LAMA2: variants seen among roughly 807,000 people sequenced by gnomAD.
LAMA2 encodes the protein laminin subunit alpha 2, also known as laminin subunit alpha-2.
A neutral mutation model predicts 364.8 loss-of-function variants in LAMA2; 269 were observed. That is an observed-to-expected ratio of 0.74 (90% CI 0.67 to 0.82). The LOEUF (loss-of-function observed/expected upper bound fraction) is 0.82. Among genes scored for constraint, LAMA2 ranks in the 40% least tolerant of loss-of-function variants. LAMA2 has a pLI of 0.00. For synonymous variants in LAMA2, 1,379 were observed against 1,370.6 expected (o/e 1.01, Z -0.14); for missense variants, 3,807 against 3,873.2 (o/e 0.98, Z 0.45).
At chr6:128,913,344 A>T (rs558255156) in intron 1 of LAMA2, among the ~76,000 whole-genome samples, 1 of 152,172 alleles carries the variant, frequency 6.6e-6, no homozygotes, top group South Asian at 2.1e-4. Flanking sequence ...ATAACCAATC[A>T]TTATAATTAT....
At chr6:129,269,928 A>T (rs964822302) in intron 16 of LAMA2, among the ~76,000 whole-genome samples, 1 of 152,172 alleles carries the variant, frequency 6.6e-6, no homozygotes, top group African/African-American at 2.4e-5. Context: ...AATAACTTAG[A>T]GAAAAGCCTG....
intron 12 of LAMA2, among the ~76,000 whole-genome samples, chr6:129,243,399 A>T (rs1785517175): frequency 6.6e-6 from 1 of 152,094 alleles, no homozygotes; most frequent in African/African-American, 2.4e-5. Flanking sequence ...ACTATAATGA[A>T]TATCTCTTGG....
At chr6:129,362,397 C>T (rs1340618756) in intron 32 of LAMA2, among the ~76,000 whole-genome samples, 1 of 152,056 alleles carries the variant, frequency 6.6e-6, no homozygotes, top group East Asian at 1.9e-4. Flanking sequence ...TCCGGCCAAC[C>T]CCAACCTCTT....
intron 1 of LAMA2, among the ~76,000 whole-genome samples, chr6:128,941,550 G>A (rs1241072037): frequency 6.6e-6 from 1 of 151,966 alleles, no homozygotes; most frequent in East Asian, 1.9e-4. Context: ...ATTTAACTTT[G>A]TATTTCACTA....
chr6:128,944,777 C>A (rs956065406), intron 1 of LAMA2, among the ~76,000 whole-genome samples: 6 of 152,122 alleles, frequency 3.9e-5, no homozygotes, highest in Non-Finnish European at 7.4e-5. Flanking sequence ...TAAGGAGGAG[C>A]AGGCATGCCA....
chr6:129,044,639 T>A (rs1166458879), intron 1 of LAMA2, among the ~76,000 whole-genome samples: 1 of 151,786 alleles, frequency 6.6e-6, no homozygotes, highest in African/African-American at 2.4e-5. Flanking sequence ...AAATACATAG[T>A]ATAAACAGAA....
chr6:129,273,464 A>G (rs1040203831), intron 17 of LAMA2, among the ~76,000 whole-genome samples: 1 of 152,178 alleles, frequency 6.6e-6, no homozygotes, highest in African/African-American at 2.4e-5. Flanking sequence ...CTGAATACAT[A>G]TTAGAATTAT....
chr6:129,165,499 C>G (rs1446057133), intron 8 of LAMA2, 77 bp from the exon 9 acceptor site: 5 of 870,606 alleles, frequency 5.7e-6, no homozygotes, highest in Non-Finnish European at 9.5e-6. Context: ...ACTACTTTGT[C>G]TATAAAAGTT....
chr6:129,372,604 A>C (rs2114632918), intron 34 of LAMA2, among the ~76,000 whole-genome samples: 1 of 152,318 alleles, frequency 6.6e-6, no homozygotes, highest in Non-Finnish European at 1.5e-5. Context: ...AGTTGCTGTA[A>C]ACATCTTTGT....
rs1197592316 is a variant in LAMA2, at chr6:129,050,694, A to G, written c.283+606A>G. ...CCAGGAAGAGAAATCAGAATTAGAC[A>G]GAAAATCCTAGTTACTCGGGGAGCT... On this transcript the variant is annotated intron_variant, in intron 2 of 64. Transcript: ENST00000421865. Among the ~76,000 whole-genome samples, 5 of 152,354 alleles carry G rather than the reference A, an allele frequency of 3.3e-5. 1 individual carries two copies. In the East Asian group the frequency reaches 9.6e-4, roughly 29 times the overall value.
intron 1 of LAMA2, among the ~76,000 whole-genome samples, chr6:128,981,382 C>T (rs1782856844): frequency 6.6e-6 from 1 of 152,124 alleles, no homozygotes; most frequent in East Asian, 1.9e-4. Flanking sequence ...GCATCTCACC[C>T]TTGCCTGCAC....
At chr6:128,926,322 G>A (rs111500333) in intron 1 of LAMA2, among the ~76,000 whole-genome samples, 2 of 151,978 alleles carry the variant, frequency 1.3e-5, no homozygotes, top group South Asian at 2.1e-4. Flanking sequence ...AACTCCTCTC[G>A]TTTAGGCCTC....
At chr6:129,249,614 T>A (rs1223210795) in intron 12 of LAMA2, among the ~76,000 whole-genome samples, 1 of 152,180 alleles carries the variant, frequency 6.6e-6, no homozygotes, top group African/African-American at 2.4e-5. Flanking sequence ...TAACCTTTTG[T>A]TTTTCTTTGA....
chr6:129,497,192 T>TAAG (rs1174031303), intron 58 of LAMA2, among the ~76,000 whole-genome samples: 2 of 152,188 alleles, frequency 1.3e-5, no homozygotes, highest in Non-Finnish European at 2.9e-5. Context: ...GGTTATTAAA[T>TAAG]AAGTCCTCTA....
At chr6:129,095,400 A>G (rs1334688841) in intron 3 of LAMA2, among the ~76,000 whole-genome samples, 1 of 152,232 alleles carries the variant, frequency 6.6e-6, no homozygotes. Flanking sequence ...ATAAAAAATT[A>G]TTAAATTCTG....
chr6:129,050,961 C>T (rs921010050), intron 2 of LAMA2, among the ~76,000 whole-genome samples: 3 of 152,054 alleles, frequency 2.0e-5, no homozygotes, highest in African/African-American at 7.2e-5. Context: ...TGTATTGGAG[C>T]ATAATGTTAA....
At chr6:129,239,644 A>T (rs548925880) in intron 12 of LAMA2, among the ~76,000 whole-genome samples, 1 of 152,260 alleles carries the variant, frequency 6.6e-6, no homozygotes, top group South Asian at 2.1e-4. Flanking sequence ...TGGATACCCT[A>T]CAAAGCAGCA....
At chr6:129,398,078 C>T (rs1186950160) in intron 37 of LAMA2, among the ~76,000 whole-genome samples, 2 of 151,982 alleles carry the variant, frequency 1.3e-5, no homozygotes, top group Non-Finnish European at 2.9e-5. Flanking sequence ...ATATATATAG[C>T]TCTTCAATTA....
intron 4 of LAMA2, among the ~76,000 whole-genome samples, chr6:129,098,846 C>A (rs981807839): frequency 6.6e-6 from 1 of 152,112 alleles, no homozygotes; most frequent in Non-Finnish European, 1.5e-5. Flanking sequence ...GTAATTCTTT[C>A]AATCTTTTGA....
Sources: gnomAD v4.1 joint callset for allele counts (sites outside exome capture counted in the v4.1 genomes callset) on GRCh38, gnomAD v4.1.1 for gene constraint, MANE v1.5 for transcripts, NCBI Gene and HGNC (gene_info 2026-07-23, HGNC 2026-07-21) for gene names.